The following ATRNL1 variants were observed in gnomAD, a reference collection of about 807,000 sequenced individuals.
The protein encoded by ATRNL1 is attractin-like protein 1.
In ATRNL1, 95 loss-of-function variants were observed where a neutral mutation model predicts 182.7. The ratio of observed to expected loss-of-function variants is 0.52; its 90% CI spans 0.44 to 0.62. ATRNL1 has a LOEUF of 0.62. ATRNL1 is among the 20% of genes least tolerant of loss of function. The probability of loss-of-function intolerance (pLI) is 0.00; values close to 1 mark genes in which losing one functional copy is unlikely to be tolerated. For synonymous variants in ATRNL1, 576 were observed against 568.3 expected (o/e 1.01, Z -0.19); for missense variants, 1,471 against 1,679.5 (o/e 0.88, Z 2.17).
At chr10:115,635,571 G>A (rs1858817534) in intron 26 of ATRNL1, among the ~76,000 whole-genome samples, 1 of 152,044 alleles carries the variant, frequency 6.6e-6, no homozygotes, top group Admixed American at 6.6e-5. Flanking sequence ...TAATTATTTG[G>A]CAGTATATAT....
At chr10:115,397,636 G>C (rs1844353914) in intron 20 of ATRNL1, among the ~76,000 whole-genome samples, 1 of 151,898 alleles carries the variant, frequency 6.6e-6, no homozygotes, top group Non-Finnish European at 1.5e-5. Flanking sequence ...TTAAGTAGAG[G>C]ATGTTTGAAC....
chr10:115,716,393 C>T (rs1376006196), intron 26 of ATRNL1, among the ~76,000 whole-genome samples: 1 of 152,072 alleles, frequency 6.6e-6, no homozygotes, highest in African/African-American at 2.4e-5. Context: ...GGGTCATTTA[C>T]GTATCCAGGA....
At chr10:115,179,221 A>G (rs1418238604) in intron 8 of ATRNL1, among the ~76,000 whole-genome samples, 6 of 152,128 alleles carry the variant, frequency 3.9e-5, no homozygotes, top group Admixed American at 1.3e-4. Context: ...GTCTCTCCAC[A>G]TCTACCTTTT....
chr10:115,313,088 G>GACT (rs1313307832), intron 17 of ATRNL1, among the ~76,000 whole-genome samples: 1 of 151,500 alleles, frequency 6.6e-6, no homozygotes, highest in Non-Finnish European at 1.5e-5. Flanking sequence ...TTATCTCCTT[G>GACT]AGTAACATAG....
intron 27 of ATRNL1, among the ~76,000 whole-genome samples, chr10:115,813,594 G>A (rs1555087668): frequency 6.6e-6 from 1 of 151,888 alleles, no homozygotes; most frequent in East Asian, 1.9e-4. Context: ...CATTCTTTTG[G>A]CATTAGATTA....
At chr10:115,243,211 A>G (rs1850495074) in intron 10 of ATRNL1, among the ~76,000 whole-genome samples, 1 of 152,108 alleles carries the variant, frequency 6.6e-6, no homozygotes, top group African/African-American at 2.4e-5. Context: ...ACTTCAATGA[A>G]GAATTTAAGG....
chr10:115,290,773 A>G (rs782667484), intron 15 of ATRNL1, among the ~76,000 whole-genome samples: 2 of 152,144 alleles, frequency 1.3e-5, no homozygotes, highest in African/African-American at 2.4e-5. Flanking sequence ...GGTGAAATGC[A>G]TGGGGTTTTA....
chr10:115,308,531 A>G (rs1554926904), intron 17 of ATRNL1, among the ~76,000 whole-genome samples: 1 of 152,150 alleles, frequency 6.6e-6, no homozygotes, highest in East Asian at 1.9e-4. Context: ...TTAAAATTTG[A>G]TGACAATTTC....
intron 26 of ATRNL1, among the ~76,000 whole-genome samples, chr10:115,648,147 A>G (rs781929732): frequency 6.6e-5 from 10 of 152,170 alleles, no homozygotes; most frequent in Non-Finnish European, 1.0e-4. Context: ...AATCACAAGC[A>G]TTCCTATACA....
chr10:115,295,059 G>T (rs1554922110), intron 15 of ATRNL1, among the ~76,000 whole-genome samples: 1 of 152,146 alleles, frequency 6.6e-6, no homozygotes, highest in Non-Finnish European at 1.5e-5. Flanking sequence ...TCACTTGGCT[G>T]ACCTGGGGGC....
chr10:115,127,781 T>G (rs1459855027), intron 4 of ATRNL1, 60 bp downstream of exon 4: 3 of 1,189,420 alleles, frequency 2.5e-6, no homozygotes, highest in Non-Finnish European at 3.3e-6. Flanking sequence ...GTAAAAGAGG[T>G]TTTTTTTGTT....
intron 21 of ATRNL1, among the ~76,000 whole-genome samples, chr10:115,447,373 G>A (rs1161597277): frequency 6.6e-6 from 1 of 150,880 alleles, no homozygotes; most frequent in Non-Finnish European, 1.5e-5. Flanking sequence ...ATTTTGTTTT[G>A]TCCTTATTAT....
chr10:115,731,913 T>C (rs1947811517), intron 27 of ATRNL1, among the ~76,000 whole-genome samples: 1 of 150,936 alleles, frequency 6.6e-6, no homozygotes, highest in African/African-American at 2.4e-5. Context: ...TAAAACTATA[T>C]ACAGTGTGAT....
chr10:115,201,012 T>A (rs1554892227), intron 8 of ATRNL1, among the ~76,000 whole-genome samples: 1 of 151,900 alleles, frequency 6.6e-6, no homozygotes, highest in African/African-American at 2.4e-5. Flanking sequence ...GTCTTTTGGC[T>A]GCATAAATGT....
chr10:115,164,160 T>C (rs1846929504), intron 6 of ATRNL1, among the ~76,000 whole-genome samples: 1 of 152,222 alleles, frequency 6.6e-6, no homozygotes, highest in Non-Finnish European at 1.5e-5. Flanking sequence ...ATTTGGGATT[T>C]ATAATTTGGG....
At chr10:115,900,006 T>G (rs1952311192) in intron 28 of ATRNL1, among the ~76,000 whole-genome samples, 1 of 152,222 alleles carries the variant, frequency 6.6e-6, no homozygotes, top group Non-Finnish European at 1.5e-5. Context: ...TATCAGGATT[T>G]CAGGAATTAT....
intron 8 of ATRNL1, among the ~76,000 whole-genome samples, chr10:115,185,233 G>C (rs1285741933): frequency 4.6e-5 from 7 of 152,024 alleles, no homozygotes; most frequent in Non-Finnish European, 7.4e-5. Context: ...CCCAGTAGTA[G>C]TGAGCACACT....
intron 27 of ATRNL1, among the ~76,000 whole-genome samples, chr10:115,807,786 T>C (rs1182014219): frequency 6.6e-6 from 1 of 152,222 alleles, no homozygotes; most frequent in African/African-American, 2.4e-5. Context: ...ATTTTAGTTC[T>C]AGCTTCCTTT....
chr10:115,132,192 G>A (rs1031557261), intron 5 of ATRNL1, among the ~76,000 whole-genome samples: 2 of 149,104 alleles, frequency 1.3e-5, no homozygotes, highest in African/African-American at 2.5e-5. Context: ...TTGGTTTTTT[G>A]TCCTTGCGAT....
Sources: gnomAD v4.1 joint callset for allele counts (sites outside exome capture counted in the v4.1 genomes callset) on GRCh38, gnomAD v4.1.1 for gene constraint, MANE v1.5 for transcripts, NCBI Gene and HGNC (gene_info 2026-07-23, HGNC 2026-07-21) for gene names.